The following TRPC4 variants were observed in gnomAD, a reference collection of about 807,000 sequenced individuals.
The protein encoded by TRPC4 is short transient receptor potential channel 4.
TRPC4 carries 49 observed loss-of-function variants against 99.4 expected under a neutral mutation model. The observed-to-expected ratio is 0.49, with a 90% CI of 0.39 to 0.63. The LOEUF (loss-of-function observed/expected upper bound fraction) is 0.63. Among genes scored for constraint, TRPC4 ranks in the 20% least tolerant of loss-of-function variants. The probability of loss-of-function intolerance (pLI) is 0.00; values close to 1 mark genes in which losing one functional copy is unlikely to be tolerated. For missense variants in TRPC4, 898 were observed against 1,152.9 expected, an observed-to-expected ratio of 0.78 and a Z score of 3.20; for synonymous variants, 454 against 425.9, an observed-to-expected ratio of 1.07 and a Z score of -0.81.
intron 2 of TRPC4, among the ~76,000 whole-genome samples, chr13:37,765,582 T>A (rs1956341619): frequency 6.6e-6 from 1 of 151,460 alleles, no homozygotes; most frequent in African/African-American, 2.4e-5. Context: ...CCACCTAGAA[T>A]TTTAGAGTGT....
intron 3 of TRPC4, among the ~76,000 whole-genome samples, chr13:37,729,448 C>T (rs998064889): frequency 6.6e-6 from 1 of 151,854 alleles, no homozygotes; most frequent in African/African-American, 2.4e-5. Context: ...AAAAAAAATA[C>T]AATTACTATA....
intron 1 of TRPC4, among the ~76,000 whole-genome samples, chr13:37,867,450 TA>T (rs1959836455): frequency 6.6e-6 from 1 of 151,100 alleles, no homozygotes; most frequent in South Asian, 2.1e-4. Flanking sequence ...AATATACACT[TA>T]AAAGTAGTTT....
intron 2 of TRPC4, among the ~76,000 whole-genome samples, chr13:37,771,502 A>AT (rs1242265104): frequency 2.0e-5 from 3 of 151,456 alleles, no homozygotes; most frequent in Non-Finnish European, 4.4e-5. Flanking sequence ...ACTATCTATG[A>AT]TTTTAAGAAA....
At chr13:37,757,991 C>T (rs1956136689) in intron 2 of TRPC4, among the ~76,000 whole-genome samples, 1 of 151,904 alleles carries the variant, frequency 6.6e-6, no homozygotes, top group African/African-American at 2.4e-5. Flanking sequence ...CATAGATCTT[C>T]CTTAATTTAC....
intron 1 of TRPC4, among the ~76,000 whole-genome samples, chr13:37,828,485 C>T (rs1958316073): frequency 6.6e-6 from 1 of 152,148 alleles, no homozygotes; most frequent in African/African-American, 2.4e-5. Context: ...CATTATTGGG[C>T]ATACACCCAA....
chr13:37,676,233 C>T (rs1195604224), intron 4 of TRPC4, among the ~76,000 whole-genome samples: 1 of 99,590 alleles, frequency 1.0e-5, no homozygotes, highest in Non-Finnish European at 2.2e-5. Context: ...CCGTCAAAAA[C>T]AAAAGATAAA....
chr13:37,679,794 T>A (rs1247348546), intron 4 of TRPC4, among the ~76,000 whole-genome samples: 2 of 152,228 alleles, frequency 1.3e-5, no homozygotes, highest in Non-Finnish European at 2.9e-5. Flanking sequence ...TAATATTTAC[T>A]ACCTCCATAT....
chr13:37,784,563 A>G (rs1332445490), intron 1 of TRPC4, among the ~76,000 whole-genome samples: 1 of 152,052 alleles, frequency 6.6e-6, no homozygotes, highest in East Asian at 1.9e-4. Flanking sequence ...AATTGAACTC[A>G]CATATTTATT....
intron 1 of TRPC4, among the ~76,000 whole-genome samples, chr13:37,801,041 T>G (rs547202105): frequency 6.6e-6 from 1 of 152,232 alleles, no homozygotes; most frequent in African/African-American, 2.4e-5. Context: ...TCAAGCATTT[T>G]GTTGTGCTTC....
At chr13:37,818,464 G>A (rs570371716) in intron 1 of TRPC4, among the ~76,000 whole-genome samples, 1 of 152,178 alleles carries the variant, frequency 6.6e-6, no homozygotes, top group African/African-American at 2.4e-5. Flanking sequence ...TACACCCAAA[G>A]GATTATAAAT....
At chr13:37,676,392 T>C (rs1593488857) in intron 4 of TRPC4, among the ~76,000 whole-genome samples, 1 of 129,298 alleles carries the variant, frequency 7.7e-6, no homozygotes, top group South Asian at 2.5e-4. Context: ...TTTTTTTTTT[T>C]AGTTGGAGTC....
At chr13:37,643,072 C>A (rs988210914) in intron 8 of TRPC4, among the ~76,000 whole-genome samples, 1 of 152,076 alleles carries the variant, frequency 6.6e-6, no homozygotes, top group African/African-American at 2.4e-5. Flanking sequence ...TTTTTCATTT[C>A]TCTGTGACCC....
At chr13:37,678,882 T>C (rs113210647) in intron 4 of TRPC4, among the ~76,000 whole-genome samples, 5,969 of 152,174 alleles carry the variant, frequency 0.039, 160 homozygotes, top group Non-Finnish European at 0.055. Flanking sequence ...TAATAAATCA[T>C]GGCCAAGTAA....
chr13:37,869,167 C>A (rs1201315855), intron 1 of TRPC4, among the ~76,000 whole-genome samples: 1 of 152,070 alleles, frequency 6.6e-6, no homozygotes. Context: ...AGAGCTAAGG[C>A]CTCACTTATA....
chr13:37,651,172 A>T, intron 8 of TRPC4, 93 bp downstream of exon 8: 2 of 1,426,842 alleles, frequency 1.4e-6, no homozygotes, highest in Non-Finnish European at 1.9e-6. Context: ...AAGAACAAAA[A>T]GGCTAAAGAC....
At chr13:37,780,944 A>C (rs187978814) in intron 2 of TRPC4, among the ~76,000 whole-genome samples, 18 of 152,218 alleles carry the variant, frequency 1.2e-4, no homozygotes, top group Admixed American at 9.2e-4. Context: ...TTCCAGAAAC[A>C]CATGGCCTGG....
At chr13:37,725,235 A>G (rs945118873) in intron 3 of TRPC4, among the ~76,000 whole-genome samples, 20 of 152,158 alleles carry the variant, frequency 1.3e-4, no homozygotes, top group Admixed American at 2.6e-4. Context: ...CAGAGTCTAA[A>G]GAACCTGTGA....
Position 37,692,032 on chromosome 13 carries a change from T to C in TRPC4, c.1201A>G (p.Ile401Val), listed in dbSNP as rs1364742157. ...DLNRQGPPPT[I>V]VEWMILPWVL... ...CACGGTAATATCATCCACTCGACGA[T>C]GGTTGGTGGTGGACCTTGCCTGTTC... The change falls in exon 4 of 11, where the codon ATC (isoleucine) becomes GTC (valine). Residue 401 changes from isoleucine to valine, a missense_variant. Coordinates refer to ENST00000379705, the MANE Select transcript of TRPC4 (RefSeq NM_016179.4). The C allele has an allele frequency of 5.6e-6, 9 of 1,613,964 alleles. No homozygotes were observed. The East Asian group carries it at 1.6e-4, about 28-fold the overall frequency.
intron 2 of TRPC4, among the ~76,000 whole-genome samples, chr13:37,768,897 A>C (rs901073643): frequency 3.3e-5 from 5 of 151,410 alleles, no homozygotes; most frequent in African/African-American, 1.2e-4. Context: ...AGTGAGTGGA[A>C]TTGATTAGTA....
Sources: allele counts gnomAD v4.1 joint callset (sites outside exome capture counted in the v4.1 genomes callset), GRCh38; gene constraint gnomAD v4.1.1; transcripts MANE v1.5; gene names NCBI Gene and HGNC (gene_info 2026-07-23, HGNC 2026-07-21).